BAZ1B: variants seen among roughly 807,000 people sequenced by gnomAD.
The protein encoded by BAZ1B is tyrosine-protein kinase BAZ1B.
In BAZ1B, 22 loss-of-function variants were observed where a neutral mutation model predicts 153.8. That is an observed-to-expected ratio of 0.14 (90% confidence interval 0.10 to 0.20). The LOEUF is 0.20. BAZ1B is among the 10% of genes least tolerant of loss of function. The pLI, the probability that BAZ1B is intolerant of heterozygous loss-of-function variation, is 1.00. For synonymous variants in BAZ1B, 676 were observed against 633.4 expected, an observed-to-expected ratio of 1.07 and a Z score of -1.01; for missense variants, 1,325 against 1,799.3, an observed-to-expected ratio of 0.74 and a Z score of 4.77.
chr7:73,498,014 C>A (rs528104100), intron 4 of BAZ1B, among the ~76,000 whole-genome samples: 74 of 151,278 alleles, frequency 4.9e-4, no homozygotes, highest in Non-Finnish European at 9.3e-4. Context: ...GACTAGAGTG[C>A]AATGGTGCGA....
rs377753487 is a variant in BAZ1B at position 73,477,175 on chromosome 7, C to G, written c.2286G>C (p.Val762=). ...LCHRILMTYS[V]QDHMETRQQM... ...GCTGTCTGGTCTCCATGTGGTCTTGCACTGAGTATGTCATGAGGATCCGGT... is the reference window on the plus strand; with the variant it reads ...GCTGTCTGGTCTCCATGTGGTCTTGGACTGAGTATGTCATGAGGATCCGGT... Residue 762 remains valine (V), a synonymous_variant, in exon 7 of 20, where the codon GTG becomes GTC. Coordinates refer to ENST00000339594, the MANE Select transcript of BAZ1B (RefSeq NM_032408.4). The surrounding 1 kb of genome is among the most constrained non-coding windows in gnomAD (Gnocchi z 5.6). 14 of 1,614,248 alleles carry G rather than the reference C, an allele frequency of 8.7e-6. No homozygotes were observed. The Admixed American group carries it at 2.2e-4, about 25-fold the overall frequency.
intron 3 of BAZ1B, among the ~76,000 whole-genome samples, chr7:73,500,863 C>G (rs1346422896): frequency 6.7e-6 from 1 of 149,966 alleles, no homozygotes; most frequent in Non-Finnish European, 1.5e-5. Context: ...TGCACTCCAG[C>G]CTGGGCAACA....
chr7:73,513,120 C>T (rs575976326), intron 1 of BAZ1B, among the ~76,000 whole-genome samples: 1 of 152,088 alleles, frequency 6.6e-6, no homozygotes, highest in Non-Finnish European at 1.5e-5. Context: ...TGCCCACCTA[C>T]ATTTTTTATC....
intron 10 of BAZ1B, 71 bp from the exon 11 acceptor site, chr7:73,465,608 G>A (rs1788554388): frequency 3.1e-6 from 3 of 973,930 alleles, no homozygotes; most frequent in Non-Finnish European, 4.6e-6. Flanking sequence ...CTAAGCAAGG[G>A]ATCTAGAGTT....
At position 73,477,572 on chromosome 7, in the gene BAZ1B, T is replaced by A. The variant is rs1238769816; in HGVS notation, c.1889A>T (p.Tyr630Phe). The change falls in exon 7 of 20, where the codon TAT becomes TTT. Residue 630 changes from tyrosine (Y) to phenylalanine (F), a missense_variant. Tyr to Phe is a conservative substitution (Grantham distance 22). This residue lies in a region of BAZ1B where 154 missense variants were observed against 266.3 expected (regional missense o/e 0.58). Coordinates refer to ENST00000339594, the MANE Select transcript of BAZ1B (RefSeq NM_032408.4). This position sits in a 1 kb window ranked among gnomAD's most constrained non-coding sequence, Gnocchi z 5.6. ...CATAAGGGACACAGCAGTAATAGGATACTGAGCATCTGGTAAAAGTAGCCC... is the reference window on the plus strand; with the variant it reads ...CATAAGGGACACAGCAGTAATAGGAAACTGAGCATCTGGTAAAAGTAGCCC... ...YSGLLLPDAQ[Y>F]PITAVSLMEA... 6.2e-7 allele frequency: 1 copy of A among 1,614,060 alleles called. No individual in the cohort carries two copies. Among genetic ancestry groups the A allele is most frequent in the Admixed American group, 1.7e-5 (1 of 60,002 alleles).
intron 1 of BAZ1B, among the ~76,000 whole-genome samples, chr7:73,520,422 C>G (rs1460307529): frequency 6.6e-6 from 1 of 152,026 alleles, no homozygotes; most frequent in Non-Finnish European, 1.5e-5. Context: ...AACATTCCAC[C>G]TTCTTCTGTT....
chr7:73,459,672 G>T lies in BAZ1B; in HGVS notation c.3296C>A (p.Ala1099Asp). The T allele has an allele frequency of 6.2e-7, 1 of 1,613,688 alleles. No individual in the cohort carries two copies. The highest frequency in any genetic ancestry group is 1.7e-5 in the Admixed American group (1 of 59,958). ...KLKDFGECVI[A>D]LQASVIKKFL... ...TTTCTTTATGACACTGGCCTGAAGG[G>T]CAATCACACACTCACCAAAATCCTT... Residue 1099 changes from alanine (A) to aspartate (D), a missense_variant, in exon 13 of 20, where the codon GCC becomes GAC. Ala to Asp is a moderately radical substitution (Grantham distance 126, BLOSUM62 -2). This residue lies in a region of BAZ1B where 431 missense variants were observed against 563.5 expected (regional missense o/e 0.76). Transcript: ENST00000339594.
Position 73,450,442 on chromosome 7 carries a change from G to A in BAZ1B, c.3580+405C>T, listed in dbSNP as rs138026379. ...GGCTTCTAACCATGAAGTTCCTTTT[G>A]CACATATGAGACTGCATGCCACCCT... On this transcript the variant is annotated intron_variant, in intron 14 of 19. Transcript: ENST00000339594. The surrounding 1 kb of genome is among the most constrained non-coding windows in gnomAD (Gnocchi z 4.1). Among the ~76,000 whole-genome samples, 1 of 152,268 alleles carries A rather than the reference G, an allele frequency of 6.6e-6. No homozygotes were observed. The highest frequency in any genetic ancestry group is 2.4e-5 in the African/African-American group (1 of 41,558).
At chr7:73,494,636 C>A (rs1413686971) in intron 4 of BAZ1B, among the ~76,000 whole-genome samples, 2 of 152,034 alleles carry the variant, frequency 1.3e-5, no homozygotes, top group Non-Finnish European at 2.9e-5. Flanking sequence ...GTGGTCCCAG[C>A]TACTCAGGAG....
rs577942983 is a variant in BAZ1B, at chr7:73,506,077, T to C, written c.369+2250A>G. Among the ~76,000 whole-genome samples the C allele has an allele frequency of 6.6e-5, 10 of 152,336 alleles. No homozygotes were observed. In the East Asian group the frequency reaches 1.9e-3, roughly 29 times the overall value. ...AGTGTCAAGTACATACAGATAGATA[T>C]TTAACAACTGTTTAGTTTTTTCTCC... On this transcript the variant is annotated intron_variant, in intron 3 of 19. Coordinates refer to ENST00000339594, the MANE Select transcript of BAZ1B (RefSeq NM_032408.4).
intron 9 of BAZ1B, among the ~76,000 whole-genome samples, chr7:73,466,983 GT>G (rs1343457319): frequency 1.3e-5 from 2 of 152,214 alleles, no homozygotes; most frequent in Non-Finnish European, 2.9e-5. Context: ...CCAGGCTGGA[GT>G]GCAGTGGTAC....
At chr7:73,484,459 C>G (rs547841493) in intron 6 of BAZ1B, among the ~76,000 whole-genome samples, 1 of 151,866 alleles carries the variant, frequency 6.6e-6, no homozygotes, top group Non-Finnish European at 1.5e-5. Flanking sequence ...GGTAACATGG[C>G]GAGACCCTGT....
chr7:73,472,235 A>C (rs1365303609), intron 7 of BAZ1B, among the ~76,000 whole-genome samples: 1 of 152,040 alleles, frequency 6.6e-6, no homozygotes, highest in Non-Finnish European at 1.5e-5. Flanking sequence ...ATTCTGCTTC[A>C]TCTGGAACAC....
intron 12 of BAZ1B, chr7:73,462,462 T>G (rs149396461): frequency 8.8e-4 from 152 of 173,636 alleles, no homozygotes; most frequent in African/African-American, 3.5e-3. Flanking sequence ...TAAGGGTCCC[T>G]CTGAGCAATA....
chr7:73,517,578 T>C (rs1240612312), intron 1 of BAZ1B, among the ~76,000 whole-genome samples: 3 of 152,212 alleles, frequency 2.0e-5, no homozygotes, highest in Admixed American at 6.5e-5. Context: ...CAGAAGGATA[T>C]TGAGTCAGCT....
intron 6 of BAZ1B, among the ~76,000 whole-genome samples, chr7:73,488,752 G>A (rs1554574916): frequency 1.3e-5 from 2 of 148,872 alleles, no homozygotes; most frequent in African/African-American, 4.9e-5. Flanking sequence ...TACTCTTCAA[G>A]AGGAAAATAC....
In BAZ1B at chr7:73,511,757, A is replaced by G. The variant is rs561893697; in HGVS notation, c.108-905T>C. Among the ~76,000 whole-genome samples, 423 of 151,658 alleles carry G rather than the reference A, an allele frequency of 2.8e-3. 2 individuals are homozygous for G. Among genetic ancestry groups the G allele is most frequent in the African/African-American group, 1.0e-2 (413 of 41,374 alleles). ...CCACCACTGCCAGGCGTGGTGGCTC[A>G]CGCCTGTAATCCCAGAACTTTGGGA... On this transcript the variant is annotated intron_variant, in intron 1 of 19. Coordinates refer to ENST00000339594, the MANE Select transcript of BAZ1B (RefSeq NM_032408.4).
chr7:73,509,700 C>A (rs1367841165), intron 2 of BAZ1B, among the ~76,000 whole-genome samples: 1 of 151,214 alleles, frequency 6.6e-6, no homozygotes, highest in African/African-American at 2.4e-5. Context: ...CGAAACTGTG[C>A]CTCTTAAAAA....
intron 13 of BAZ1B, among the ~76,000 whole-genome samples, chr7:73,459,260 C>T (rs185259314): frequency 8.9e-5 from 13 of 145,966 alleles, no homozygotes; most frequent in African/African-American, 3.3e-4. Flanking sequence ...AAAAAAAAAA[C>T]AAAAAAAAGA....
Sources: allele counts gnomAD v4.1 joint callset (sites outside exome capture counted in the v4.1 genomes callset), GRCh38; gene constraint gnomAD v4.1.1; regional missense constraint gnomAD v4.1.1; non-coding constraint Gnocchi (gnomAD v3.1); transcripts MANE v1.5; gene names NCBI Gene and HGNC (gene_info 2026-07-23, HGNC 2026-07-21).